The following SZT2 variants were observed in gnomAD, a reference collection of about 807,000 sequenced individuals.
SZT2 encodes KICSTOR complex protein SZT2.
A neutral mutation model predicts 404.2 loss-of-function variants in SZT2; 216 were observed. The ratio of observed to expected loss-of-function variants is 0.53; its 90% CI spans 0.48 to 0.60. The LOEUF is 0.60. SZT2 is among the 20% of genes least tolerant of loss of function. The pLI is 0.00. For missense variants in SZT2, 3,857 were observed against 4,459.2 expected, an observed-to-expected ratio of 0.86 and a Z score of 3.85; for synonymous variants, 1,693 against 1,749.9, an observed-to-expected ratio of 0.97 and a Z score of 0.81.
At chr1:43,399,554 C>T (rs981895647) in intron 1 of SZT2, among the ~76,000 whole-genome samples, 12 of 151,376 alleles carry the variant, frequency 7.9e-5, no homozygotes, top group Admixed American at 2.0e-4. Flanking sequence ...CTCCGCCTCC[C>T]GGGTTCACGC....
Position 43,453,956 on chromosome 1 carries a change from G to C in SZT2, c.*3476G>C, listed in dbSNP as rs991317411. The C allele has an allele frequency of 2.5e-6, 3 of 1,198,044 alleles. No homozygotes were observed. Among genetic ancestry groups the C allele is most frequent in the Non-Finnish European group, 2.1e-6 (2 of 966,558 alleles). 74.2% of individuals were successfully genotyped at this position (1,198,044 alleles called of 1,614,324 possible). On this transcript the variant is annotated 3_prime_UTR_variant, in exon 72 of 72. Transcript: ENST00000634258. Reference sequence around the variant, plus strand: ...GTGCTGTAAAAACCCGGGCCTTCACGAAAAGCGCCTACGGTTAGCGAGAGA... The same window carrying C: ...GTGCTGTAAAAACCCGGGCCTTCACCAAAAGCGCCTACGGTTAGCGAGAGA...
In SZT2 at chr1:43,453,357, AGGGGTG is replaced by A. The variant is rs1656649321; in HGVS notation, c.*2887_*2892del. 8 of 885,964 alleles carry A rather than the reference AGGGGTG, an allele frequency of 9.0e-6. No homozygotes were observed. Among genetic ancestry groups the A allele is most frequent in the Non-Finnish European group, 9.6e-6 (7 of 729,228 alleles). The allele number at this position is 885,964 out of a possible 1,614,324, so 54.9% of individuals were successfully genotyped here. ...AACCTGCATCAGGGTCATGGGTCACAGGGGTGGGGGTGGGGTGGAGCGGGGTACCTG... is the reference window on the plus strand; with the variant it reads ...AACCTGCATCAGGGTCATGGGTCACAGGGGTGGGGTGGAGCGGGGTACCTG... On this transcript the variant is annotated 3_prime_UTR_variant, in exon 72 of 72. Coordinates refer to ENST00000634258, the MANE Select transcript of SZT2 (RefSeq NM_001365999.1).
rs766523517 is a variant in SZT2, at chr1:43,451,852, A to C, written c.*1372A>C. On this transcript the variant is annotated 3_prime_UTR_variant, in exon 72 of 72. Coordinates refer to ENST00000634258, the MANE Select transcript of SZT2 (RefSeq NM_001365999.1). ...CCTTCTGTAAGATGGCTGCCGCTGTAAGAGAAGCCAGGGAGGGGACCGTGA... is the reference window on the plus strand; with the variant it reads ...CCTTCTGTAAGATGGCTGCCGCTGTCAGAGAAGCCAGGGAGGGGACCGTGA... The C allele has an allele frequency of 6.2e-7, 1 of 1,614,088 alleles. No homozygotes were observed. The highest frequency in any genetic ancestry group is 1.7e-5 in the Admixed American group (1 of 60,014).
chr1:43,440,959 C>G (rs1654996201), intron 52 of SZT2, among the ~76,000 whole-genome samples: 1 of 152,248 alleles, frequency 6.6e-6, no homozygotes. Flanking sequence ...CCTTAACTTA[C>G]TATGTGCCTT....
rs151260299 is a variant in SZT2 at position 43,435,205 on chromosome 1, G to C, written c.5910G>C (p.Leu1970=). The change falls in exon 42 of 72, where the codon CTG becomes CTC. Residue 1970 remains leucine, a synonymous_variant. Transcript: ENST00000634258. ...CCTCATGCTCCTTCTCCCAGCGACT[G>C]CTTCTTCAAGACCTTCATGACAGCC... ...GEICREVNQR[L]LLQDLHDSHV... The C allele has an allele frequency of 1.0e-4, 161 of 1,613,994 alleles. No individual in the cohort carries two copies. The highest frequency in any genetic ancestry group is 1.2e-4 in the Non-Finnish European group (144 of 1,179,982).
chr1:43,429,480 A>C (rs888985197), intron 28 of SZT2: 2 of 539,472 alleles, frequency 3.7e-6, no homozygotes, highest in Non-Finnish European at 6.6e-6. Flanking sequence ...ACAGAGTAAG[A>C]CTCTGTCCCA....
rs748329017 is a variant in SZT2 at position 43,424,300 on chromosome 1, G to A, written c.2339G>A (p.Arg780His). ...PPGPLPLVSG[R>H]SASSSLASLS... Reference sequence around the variant, plus strand: ...GGTCCACTGCCCTTGGTGTCAGGCCGCTCAGCCTCTTCTAGCCTGGCGTCA... The same window carrying A: ...GGTCCACTGCCCTTGGTGTCAGGCCACTCAGCCTCTTCTAGCCTGGCGTCA... The change falls in exon 16 of 72, where the codon CGC becomes CAC. Residue 780 changes from arginine (R) to histidine (H), a missense_variant. This residue lies in a region of SZT2 where 1,725 missense variants were observed against 1,881.0 expected (regional missense o/e 0.92). Transcript: ENST00000634258. This position sits in a 1 kb window ranked among gnomAD's most constrained non-coding sequence, Gnocchi z 4.1. 1.2e-5 allele frequency: 19 copies of A among 1,597,972 alleles called. No homozygotes were observed. The highest frequency in any genetic ancestry group is 5.0e-5 in the Admixed American group (3 of 59,982).
At position 43,435,181 on chromosome 1, in the gene SZT2, C is replaced by T. The variant is rs768911613; in HGVS notation, c.5905-19C>T. Reference sequence around the variant, plus strand: ...GGAGGAGGTATTTCAGTTCCCTGACCTCATGCTCCTTCTCCCAGCGACTGC... The same window carrying T: ...GGAGGAGGTATTTCAGTTCCCTGACTTCATGCTCCTTCTCCCAGCGACTGC... On this transcript the variant is annotated intron_variant, in intron 41 of 71. Transcript: ENST00000634258. 17 of 1,613,524 alleles carry T rather than the reference C, an allele frequency of 1.1e-5. No homozygotes were observed. The highest frequency in any genetic ancestry group is 6.6e-5 in the South Asian group (6 of 91,008).
intron 11 of SZT2, among the ~76,000 whole-genome samples, chr1:43,421,824 G>C (rs1652398239): frequency 6.6e-6 from 1 of 152,234 alleles, no homozygotes; most frequent in African/African-American, 2.4e-5. Flanking sequence ...CCAAGTCGGT[G>C]ACATAAGCTG....
Position 43,427,189 on chromosome 1 carries a change from G to A in SZT2, c.3433+10G>A. ...CCAGCTACCTTCTCAGGTGCCAGCT[G>A]CTGACCTCCTCACGAACCCCCTCAG... On this transcript the variant is annotated intron_variant, in intron 24 of 71. Transcript: ENST00000634258. 1 of 1,613,974 alleles carries A rather than the reference G, an allele frequency of 6.2e-7. No individual in the cohort carries two copies. The highest frequency in any genetic ancestry group is 8.5e-7 in the Non-Finnish European group (1 of 1,179,966).
Position 43,440,029 on chromosome 1 carries a change from T to G in SZT2, c.7191T>G (p.Cys2397Trp). 2 of 1,614,016 alleles carry G rather than the reference T, an allele frequency of 1.2e-6. No individual in the cohort carries two copies. The highest frequency in any genetic ancestry group is 1.7e-6 in the Non-Finnish European group (2 of 1,179,932). Residue 2397 changes from cysteine (C) to tryptophan (W), a missense_variant, in exon 51 of 72, where the codon TGT becomes TGG. By Grantham distance (215) the Cys-to-Trp change is radical. Coordinates refer to ENST00000634258, the MANE Select transcript of SZT2 (RefSeq NM_001365999.1). ...TTCAGCTGCTGCCAGCTTCACTATG[T>G]ACAGAGGACACACCCACAGGTATGC... is the stretch of plus-strand genomic sequence containing the variant. Reference protein sequence around the residue: ...IELQLLPASLCTEDTPTGSLR... With the variant: ...IELQLLPASLWTEDTPTGSLR...
chr1:43,434,533 C>T (rs1290092873), intron 41 of SZT2, 48 bp downstream of exon 41: 1 of 1,471,856 alleles, frequency 6.8e-7, no homozygotes, highest in Admixed American at 2.2e-5. Context: ...CAGATGAGAA[C>T]CAAATTTCTA....
chr1:43,441,148 T>C lies in SZT2; in HGVS notation c.7345-66T>C, dbSNP rs554023473. On this transcript the variant is annotated intron_variant, in intron 52 of 71. Coordinates refer to ENST00000634258, the MANE Select transcript of SZT2 (RefSeq NM_001365999.1). The surrounding 1 kb of genome is among the most constrained non-coding windows in gnomAD (Gnocchi z 4.8). ...ATCCTCCTAGCTCACTGCTGTTCCA[T>C]AGTGCCCCCATCCCACACCTTTCCT... 1 of 1,565,548 alleles carries C rather than the reference T, an allele frequency of 6.4e-7. No homozygotes were observed. Among genetic ancestry groups the C allele is most frequent in the South Asian group, 1.2e-5 (1 of 84,018 alleles).
rs1173926490 is a variant in SZT2, at chr1:43,423,072, G to A, written c.2038-27G>A. ...CCAGACCTGTAGGAGATGGGAGTAA[G>A]AGGATGTGACCACATTTTCCCCTCA... On this transcript the variant is annotated intron_variant, in intron 14 of 71. Coordinates refer to ENST00000634258, the MANE Select transcript of SZT2 (RefSeq NM_001365999.1). 1.9e-6 allele frequency: 3 copies of A among 1,560,954 alleles called. No homozygotes were observed. The South Asian group carries it at 3.5e-5, about 18-fold the overall frequency.
intron 13 of SZT2, 30 bp downstream of exon 13, chr1:43,422,662 G>GCCCCCCCCCCC: frequency 4.1e-6 from 5 of 1,231,814 alleles, no homozygotes; most frequent in African/African-American, 2.8e-5. Context: ...TTCACCCCCC[G>GCCCCCCCCCCC]CCCCCCCACC....
At chr1:43,415,264 A>C in intron 5 of SZT2, 51 bp downstream of exon 5, 1 of 1,590,594 alleles carries the variant, frequency 6.3e-7, no homozygotes, top group South Asian at 1.1e-5. Context: ...GGAGCAGCTA[A>C]GGACAGAGGG....
At chr1:43,414,709 T>C (rs950761010) in intron 4 of SZT2, among the ~76,000 whole-genome samples, 1 of 152,122 alleles carries the variant, frequency 6.6e-6, no homozygotes, top group South Asian at 2.1e-4. Context: ...TTAAAAAGTA[T>C]GAGAATAAAA....
At chr1:43,392,966 A>G (rs999288) in intron 1 of SZT2, among the ~76,000 whole-genome samples, 49,581 of 151,784 alleles carry the variant, frequency 0.33, 9,062 homozygotes, top group Middle Eastern at 0.45. Flanking sequence ...GCCGTGTAAG[A>G]CAGACATGCT....
At position 43,442,771 on chromosome 1, in the gene SZT2, G is replaced by C; in HGVS notation, c.8152-48G>C. The C allele has an allele frequency of 1.9e-6, 3 of 1,547,172 alleles. No individual in the cohort carries two copies. Among genetic ancestry groups the C allele is most frequent in the Non-Finnish European group, 2.6e-6 (3 of 1,146,188 alleles). On this transcript the variant is annotated intron_variant, in intron 58 of 71. Coordinates refer to ENST00000634258, the MANE Select transcript of SZT2 (RefSeq NM_001365999.1). This position sits in a 1 kb window ranked among gnomAD's most constrained non-coding sequence, Gnocchi z 4.5. Reference sequence around the variant, plus strand: ...GAGGAAGCCCTGGGATGAGAGAGAGGGTCCGAGGGCAAAGGCTATGAACCC... The same window carrying C: ...GAGGAAGCCCTGGGATGAGAGAGAGCGTCCGAGGGCAAAGGCTATGAACCC...
Sources: gnomAD v4.1 joint callset for allele counts (sites outside exome capture counted in the v4.1 genomes callset) on GRCh38, gnomAD v4.1.1 for gene constraint, gnomAD v4.1.1 regional missense constraint, Gnocchi (gnomAD v3.1) non-coding constraint, MANE v1.5 for transcripts, NCBI Gene and HGNC (gene_info 2026-07-23, HGNC 2026-07-21) for gene names.